The following KLHL8 variants were observed in gnomAD, a reference collection of about 807,000 sequenced individuals.
KLHL8 encodes kelch like family member 8.
In KLHL8, 38 loss-of-function variants were observed where a neutral mutation model predicts 63.5. That is an observed-to-expected ratio of 0.60 (90% confidence interval 0.46 to 0.78). The LOEUF is 0.78. Ranked by LOEUF, KLHL8 falls within the 30% of genes least tolerant of loss-of-function variation. The pLI is 0.00. For synonymous variants in KLHL8, 224 were observed against 254.3 expected (o/e 0.88, Z 1.13); for missense variants, 566 against 752.4 (o/e 0.75, Z 2.90).
In KLHL8 at chr4:87,165,074, G is replaced by A. The variant is rs546604065; in HGVS notation, c.1538-995C>T. ...TGAGGCAGGACAATGGCGTGAACCTGGGAGGCGGACGCTTGCAGTGAGCCG... is the reference window on the plus strand; with the variant it reads ...TGAGGCAGGACAATGGCGTGAACCTAGGAGGCGGACGCTTGCAGTGAGCCG... On this transcript the variant is annotated intron_variant, in intron 8 of 9. Transcript: ENST00000273963. Among the ~76,000 whole-genome samples, 197 of 150,914 alleles carry A rather than the reference G, an allele frequency of 1.3e-3. 1 individual carries two copies. The highest frequency in any genetic ancestry group is 2.3e-3 in the Non-Finnish European group (158 of 67,728).
chr4:87,203,503 T>C (rs1262935651), intron 1 of KLHL8, among the ~76,000 whole-genome samples: 1 of 146,454 alleles, frequency 6.8e-6, no homozygotes, highest in East Asian at 2.0e-4. Flanking sequence ...CACCCCAGCC[T>C]GGGTGACAGA....
intron 1 of KLHL8, among the ~76,000 whole-genome samples, chr4:87,232,324 GTA>G (rs1733150327): frequency 6.6e-6 from 1 of 152,112 alleles, no homozygotes; most frequent in South Asian, 2.1e-4. Flanking sequence ...TATTCTTATT[GTA>G]TTTGTGAGAT....
chr4:87,184,145 C>T (rs1195964732), intron 3 of KLHL8, among the ~76,000 whole-genome samples: 1 of 152,152 alleles, frequency 6.6e-6, no homozygotes, highest in African/African-American at 2.4e-5. Flanking sequence ...ATCTGCCTTA[C>T]CATCTTAAAG....
chr4:87,235,502 T>C (rs1733211326), intron 1 of KLHL8, among the ~76,000 whole-genome samples: 1 of 152,156 alleles, frequency 6.6e-6, no homozygotes, highest in Non-Finnish European at 1.5e-5. Flanking sequence ...TCTCAGAATC[T>C]TGTTAAGTAA....
intron 3 of KLHL8, among the ~76,000 whole-genome samples, chr4:87,184,881 T>A (rs1731191679): frequency 6.6e-6 from 1 of 152,168 alleles, no homozygotes; most frequent in Admixed American, 6.5e-5. Flanking sequence ...AGCAAAATAA[T>A]TCATTAAAAT....
At chr4:87,169,861 T>TAA (rs1333044957) in intron 8 of KLHL8, among the ~76,000 whole-genome samples, 1 of 60,402 alleles carries the variant, frequency 1.7e-5, no homozygotes, top group Non-Finnish European at 3.9e-5. Context: ...AGACACTGTC[T>TAA]CCCTCTGAAA....
chr4:87,202,984 T>C (rs1049582609), intron 1 of KLHL8, among the ~76,000 whole-genome samples: 49 of 152,330 alleles, frequency 3.2e-4, no homozygotes, highest in African/African-American at 1.1e-3. Context: ...TAAGAGTTTA[T>C]GCAAGGCTGC....
intron 1 of KLHL8, chr4:87,207,125 A>G: frequency 1.9e-6 from 1 of 538,438 alleles, no homozygotes; most frequent in Non-Finnish European, 3.5e-6. Flanking sequence ...ATTTGGTCGT[A>G]TTGGATGCCT....
intron 1 of KLHL8, among the ~76,000 whole-genome samples, chr4:87,208,344 T>A (rs1732241858): frequency 6.6e-6 from 1 of 151,858 alleles, no homozygotes; most frequent in Non-Finnish European, 1.5e-5. Context: ...GTTAGTCTAG[T>A]GAGTTGTCTT....
At chr4:87,229,167 G>A (rs771045804) in intron 1 of KLHL8, among the ~76,000 whole-genome samples, 30 of 152,078 alleles carry the variant, frequency 2.0e-4, no homozygotes, top group African/African-American at 4.1e-4. Flanking sequence ...TTTTATCATC[G>A]GCTAAGACTT....
chr4:87,183,444 T>C, intron 3 of KLHL8, 55 bp from the exon 4 acceptor site: 1 of 1,321,574 alleles, frequency 7.6e-7, no homozygotes, highest in Non-Finnish European at 1.0e-6. Context: ...TGGGAAAATA[T>C]AAAGTCTAAA....
chr4:87,168,773 T>TGTATATATATACGTATATATACAC (rs1730515732), intron 8 of KLHL8, among the ~76,000 whole-genome samples: 1 of 135,032 alleles, frequency 7.4e-6, no homozygotes, highest in Admixed American at 8.0e-5. Flanking sequence ...TATATATATG[T>TGTATATATATACGTATATATACAC]GTATATATAT....
chr4:87,195,190 A>G, intron 2 of KLHL8, 134 bp downstream of exon 2: 1 of 638,180 alleles, frequency 1.6e-6, no homozygotes. Flanking sequence ...CTAAAAAAAA[A>G]GATTGAGACT....
intron 2 of KLHL8, 88 bp downstream of exon 2, chr4:87,195,236 C>A (rs1208293404): frequency 2.0e-6 from 2 of 997,772 alleles, no homozygotes; most frequent in African/African-American, 3.3e-5. Flanking sequence ...TGTATAGCAA[C>A]AAAATTTGCC....
At chr4:87,176,383 C>A (rs747433820) in intron 6 of KLHL8, among the ~76,000 whole-genome samples, 2 of 152,214 alleles carry the variant, frequency 1.3e-5, no homozygotes, top group Non-Finnish European at 2.9e-5. Flanking sequence ...TGTCTTCAGA[C>A]ACTGCCAAGT....
In KLHL8 at chr4:87,195,649, T is replaced by A; in HGVS notation, c.-110A>T. The A allele has an allele frequency of 1.2e-6, 1 of 849,174 alleles. No individual in the cohort carries two copies. The highest frequency in any genetic ancestry group is 1.7e-5 in the South Asian group (1 of 59,386). The allele number at this position is 849,174 out of a possible 1,614,324, so 52.6% of individuals were successfully genotyped here. A position where few individuals can be genotyped will look rare whatever the true frequency, so the allele number is the denominator to read the frequency against. Reference sequence around the variant, plus strand: ...GATGTAGACACTACAATTCAGACGTTTTTCAAAACCCACTCAACTGCCATT... The same window carrying A: ...GATGTAGACACTACAATTCAGACGTATTTCAAAACCCACTCAACTGCCATT... On this transcript the variant is annotated 5_prime_UTR_variant, in exon 2 of 10. Coordinates refer to ENST00000273963, the MANE Select transcript of KLHL8 (RefSeq NM_020803.5).
chr4:87,209,837 T>C (rs1202937502), intron 1 of KLHL8, among the ~76,000 whole-genome samples: 1 of 146,550 alleles, frequency 6.8e-6, no homozygotes, highest in Non-Finnish European at 1.5e-5. Context: ...GCACTTGGTG[T>C]TCCGTTTTGG....
intron 1 of KLHL8, among the ~76,000 whole-genome samples, chr4:87,206,450 A>C (rs1732136123): frequency 6.6e-6 from 1 of 152,198 alleles, no homozygotes; most frequent in Admixed American, 6.5e-5. Flanking sequence ...AAAGTAGGGA[A>C]AGGGGGAAAG....
At chr4:87,236,004 G>A (rs1733220955) in intron 1 of KLHL8, among the ~76,000 whole-genome samples, 1 of 152,112 alleles carries the variant, frequency 6.6e-6, no homozygotes, top group Non-Finnish European at 1.5e-5. Flanking sequence ...CAGTAGTGAC[G>A]AAGCGCTCTG....
Sources: gnomAD v4.1 joint callset for allele counts (sites outside exome capture counted in the v4.1 genomes callset) on GRCh38, gnomAD v4.1.1 for gene constraint, MANE v1.5 for transcripts, NCBI Gene and HGNC (gene_info 2026-07-23, HGNC 2026-07-21) for gene names.